The following RTN4IP1 variants were observed in gnomAD, a reference collection of about 807,000 sequenced individuals.
RTN4IP1 encodes the protein NAD(P)H oxidoreductase RTN4IP1, mitochondrial.
A neutral mutation model predicts 46.6 loss-of-function variants in RTN4IP1; 32 were observed. The ratio of observed to expected loss-of-function variants is 0.69; its 90% CI spans 0.52 to 0.92. The LOEUF (loss-of-function observed/expected upper bound fraction) is 0.92. Among genes scored for constraint, RTN4IP1 ranks in the 40% least tolerant of loss-of-function variants. The probability of loss-of-function intolerance (pLI) is 0.00; values close to 1 mark genes in which losing one functional copy is unlikely to be tolerated. For synonymous variants in RTN4IP1, 167 were observed against 161.8 expected, an observed-to-expected ratio of 1.03 and a Z score of -0.24; for missense variants, 424 against 485.8, an observed-to-expected ratio of 0.87 and a Z score of 1.20.
intron 4 of RTN4IP1, among the ~76,000 whole-genome samples, chr6:106,613,090 A>G (rs558943688): frequency 6.6e-6 from 1 of 152,138 alleles, no homozygotes; most frequent in Non-Finnish European, 1.5e-5. Flanking sequence ...TGCTAACCAC[A>G]ATCAGTTAAG....
At chr6:106,618,193 G>A (rs530367704) in intron 4 of RTN4IP1, among the ~76,000 whole-genome samples, 10 of 151,994 alleles carry the variant, frequency 6.6e-5, no homozygotes, top group East Asian at 1.9e-4. Context: ...CTCTATCACC[G>A]AACACATTAA....
At chr6:106,629,821 G>A, upstream of RTN4IP1, 1 of 1,259,930 alleles carries the variant, frequency 7.9e-7, no homozygotes, top group Non-Finnish European at 1.1e-6. Flanking sequence ...GCTTCCTCTA[G>A]AACTGAGTGG....
chr6:106,601,212 T>A (rs545649417), intron 5 of RTN4IP1, among the ~76,000 whole-genome samples: 2 of 152,334 alleles, frequency 1.3e-5, no homozygotes, highest in East Asian at 3.8e-4. Context: ...GCCACTTGTA[T>A]ATATTCTTCG....
intron 8 of RTN4IP1, among the ~76,000 whole-genome samples, chr6:106,579,216 C>G (rs1202437858): frequency 6.7e-6 from 1 of 149,506 alleles, no homozygotes; most frequent in Non-Finnish European, 1.5e-5. Context: ...AGCATGGTGA[C>G]AGAGCAAGAC....
intron 4 of RTN4IP1, among the ~76,000 whole-genome samples, chr6:106,608,667 T>C (rs1354363652): frequency 6.6e-6 from 1 of 152,226 alleles, no homozygotes; most frequent in African/African-American, 2.4e-5. Flanking sequence ...ACTTTTCTCC[T>C]ATTAATCTAT....
intron 8 of RTN4IP1, among the ~76,000 whole-genome samples, chr6:106,578,935 T>G (rs1333698680): frequency 6.6e-6 from 1 of 151,238 alleles, no homozygotes; most frequent in Non-Finnish European, 1.5e-5. Context: ...TTTTAACAAA[T>G]CTTTAAAAAT....
At chr6:106,598,893 C>T in intron 5 of RTN4IP1, among the ~76,000 whole-genome samples, 1 of 151,902 alleles carries the variant, frequency 6.6e-6, no homozygotes, top group Non-Finnish European at 1.5e-5. Context: ...AGGAAGGGAT[C>T]CATGCATTTT....
Position 106,607,721 on chromosome 6 carries a change from T to C in RTN4IP1, c.621-4799A>G, listed in dbSNP as rs183361709. 1.7e-3 allele frequency: 256 copies of C among 152,242 alleles called. 1 individual carries two copies. The highest frequency in any genetic ancestry group is 5.9e-3 in the African/African-American group (245 of 41,544). 9.4% of individuals were successfully genotyped at this position (152,242 alleles called of 1,614,324 possible). Reference sequence around the variant, plus strand: ...TACCAAAAAGACAAAAAACAGGGCTTACTTAGGCAGCACATATACTAAAAT... The same window carrying C: ...TACCAAAAAGACAAAAAACAGGGCTCACTTAGGCAGCACATATACTAAAAT... On this transcript the variant is annotated intron_variant, in intron 4 of 8. Coordinates refer to ENST00000369063, the MANE Select transcript of RTN4IP1 (RefSeq NM_032730.5).
At chr6:106,621,281 C>G in intron 3 of RTN4IP1, 144 bp downstream of exon 3, 1 of 622,152 alleles carries the variant, frequency 1.6e-6, no homozygotes, top group South Asian at 2.0e-5. Flanking sequence ...TTTTTAATCT[C>G]TCAAAAATTC....
chr6:106,606,124 T>C (rs908306457), intron 4 of RTN4IP1, among the ~76,000 whole-genome samples: 6 of 151,940 alleles, frequency 3.9e-5, no homozygotes, highest in African/African-American at 1.2e-4. Context: ...AAAATCAACA[T>C]ACAAAAATCC....
intron 8 of RTN4IP1, among the ~76,000 whole-genome samples, chr6:106,574,220 G>A (rs542886906): frequency 4.5e-4 from 60 of 132,078 alleles, no homozygotes; most frequent in South Asian, 1.2e-3. Context: ...CGAGGCAGGC[G>A]AATCACCTGA....
Position 106,571,453 on chromosome 6 carries a change from A to ACTT in RTN4IP1, c.*540_*542dup, listed in dbSNP as rs1291739986. The ACTT allele has an allele frequency of 6.5e-6, 1 of 153,404 alleles. No homozygotes were observed. Among genetic ancestry groups the ACTT allele is most frequent in the East Asian group, 1.9e-4 (1 of 5,222 alleles). 9.5% of individuals were successfully genotyped at this position (153,404 alleles called of 1,614,324 possible). On this transcript the variant is annotated 3_prime_UTR_variant, in exon 9 of 9. Coordinates refer to ENST00000369063, the MANE Select transcript of RTN4IP1 (RefSeq NM_032730.5). Reference sequence around the variant, plus strand: ...GGTGGTTCACGCCTGTAATCCCAGAACTTTGGGAGACTGACATGGTGGATC... The same window carrying ACTT: ...GGTGGTTCACGCCTGTAATCCCAGAACTTCTTTGGGAGACTGACATGGTGGATC...
At chr6:106,584,994 C>G (rs1775450373) in intron 7 of RTN4IP1, among the ~76,000 whole-genome samples, 1 of 152,188 alleles carries the variant, frequency 6.6e-6, no homozygotes, top group African/African-American at 2.4e-5. Context: ...TCCCCTTAGC[C>G]CTCAGCATAG....
intron 4 of RTN4IP1, among the ~76,000 whole-genome samples, chr6:106,618,410 T>C (rs968490412): frequency 2.6e-5 from 4 of 152,248 alleles, no homozygotes; most frequent in Non-Finnish European, 4.4e-5. Context: ...TTCTCTATGA[T>C]GGCAACTTTC....
chr6:106,589,982 C>A (rs1031713895), intron 6 of RTN4IP1, among the ~76,000 whole-genome samples: 2 of 152,166 alleles, frequency 1.3e-5, no homozygotes, highest in African/African-American at 4.8e-5. Flanking sequence ...TTCCGTCTGT[C>A]AAGTTCTCCT....
chr6:106,594,926 C>T (rs932204704), intron 5 of RTN4IP1, among the ~76,000 whole-genome samples: 2 of 152,028 alleles, frequency 1.3e-5, no homozygotes, highest in South Asian at 2.1e-4. Flanking sequence ...CTCAGCCTCC[C>T]GAGTAGCTGG....
chr6:106,587,698 A>C lies in RTN4IP1; in HGVS notation c.971T>G (p.Val324Gly). 1 of 1,612,604 alleles carries C rather than the reference A, an allele frequency of 6.2e-7. No individual in the cohort carries two copies. ...ADGMLQTGVT[V>G]GSKALKHFWK... ...TCCTACCTTTAATGCCTTTGAACCTACAGTGACTCCTGTCTGCAACATGCC... is the reference window on the plus strand; with the variant it reads ...TCCTACCTTTAATGCCTTTGAACCTCCAGTGACTCCTGTCTGCAACATGCC... Residue 324 changes from valine (V) to glycine (G), a missense_variant, in exon 7 of 9, where the codon GTA (valine) becomes GGA (glycine). Physicochemically the swap from Val to Gly is moderately radical, Grantham distance 109 (BLOSUM62 -3). Coordinates refer to ENST00000369063, the MANE Select transcript of RTN4IP1 (RefSeq NM_032730.5).
intron 8 of RTN4IP1, among the ~76,000 whole-genome samples, chr6:106,577,367 C>G (rs4440506): frequency 0.14 from 20,877 of 145,340 alleles, 1,681 homozygotes; most frequent in African/African-American, 0.21. Flanking sequence ...AGGATCACTT[C>G]AGCCCAGGAG....
At chr6:106,630,204 A>C (rs969586701), upstream of RTN4IP1, among the ~76,000 whole-genome samples, 1 of 152,172 alleles carries the variant, frequency 6.6e-6, no homozygotes, top group African/African-American at 2.4e-5. Context: ...CATGTCCTGG[A>C]CGTCGTGTTT....
Sources: gnomAD v4.1 joint callset for allele counts (sites outside exome capture counted in the v4.1 genomes callset) on GRCh38, gnomAD v4.1.1 for gene constraint, MANE v1.5 for transcripts, NCBI Gene and HGNC (gene_info 2026-07-23, HGNC 2026-07-21) for gene names.